The following IGF1 variants were observed in gnomAD, a reference collection of about 807,000 sequenced individuals.
IGF1 encodes the protein insulin like growth factor 1.
In IGF1, 4 loss-of-function variants were observed where a neutral mutation model predicts 13.8. The ratio of observed to expected loss-of-function variants is 0.29; its 90% CI spans 0.14 to 0.66. IGF1 has a LOEUF of 0.66. Ranked by LOEUF, IGF1 falls within the 30% of genes least tolerant of loss-of-function variation. The pLI, the probability that IGF1 is intolerant of heterozygous loss-of-function variation, is 0.78. For synonymous variants in IGF1, 76 were observed against 72.6 expected (o/e 1.05, Z -0.23); for missense variants, 124 against 188.5 (o/e 0.66, Z 2.00).
In IGF1 at chr12:102,398,920, GCATAAAATAGTAA is replaced by G. The variant is rs1873448361; in HGVS notation, c.*3574_*3586del. ...TTTTATTCTAAGCCTTCTCCCAAGT[GCATAAAATAGTAA>G]CAGAAACCCTGGAGCCACAGAGCAT... On this transcript the variant is annotated 3_prime_UTR_variant, in exon 4 of 4. Transcript: ENST00000337514. The G allele has an allele frequency of 6.6e-6, 1 of 152,352 alleles. No individual in the cohort carries two copies. Among genetic ancestry groups the G allele is most frequent in the Non-Finnish European group, 1.5e-5 (1 of 67,998 alleles). 9.4% of individuals were successfully genotyped at this position (152,352 alleles called of 1,614,324 possible).
chr12:102,426,861 A>G (rs890799080), intron 2 of IGF1, among the ~76,000 whole-genome samples: 2 of 152,120 alleles, frequency 1.3e-5, no homozygotes, highest in Non-Finnish European at 1.5e-5. Context: ...GTCTCATCTC[A>G]TTCTGTTCTC....
chr12:102,407,146 ACTAATAACAACGGCAATAATAATAAT>A lies in IGF1; in HGVS notation c.403-4606_403-4581del, dbSNP rs1330650896. 7.4e-5 allele frequency among the ~76,000 whole-genome samples: 11 copies of A among 148,484 alleles called. No individual in the cohort carries two copies. In the South Asian group the frequency reaches 1.5e-3, roughly 20 times the overall value. ...AAAAAAAAAAAAAAGATCACTGAGGACTAATAACAACGGCAATAATAATAATCTTGCTTAACATTTGCAAAGGCTTT... is the reference window on the plus strand; with the variant it reads ...AAAAAAAAAAAAAAGATCACTGAGGACTTGCTTAACATTTGCAAAGGCTTT... On this transcript the variant is annotated intron_variant, in intron 3 of 3. Coordinates refer to ENST00000337514, the MANE Select transcript of IGF1 (RefSeq NM_000618.5).
intron 1 of IGF1, chr12:102,478,460 G>T: frequency 6.5e-7 from 1 of 1,550,382 alleles, no homozygotes; most frequent in South Asian, 1.3e-5. Context: ...TAAAATTTGA[G>T]GGCAACAGTC....
chr12:102,414,771 GC>G (rs1253511391), intron 3 of IGF1, among the ~76,000 whole-genome samples: 2 of 152,152 alleles, frequency 1.3e-5, no homozygotes, highest in African/African-American at 4.8e-5. Context: ...TCTTGTTCAT[GC>G]CTAGTACAGA....
In IGF1 at chr12:102,402,164, A is replaced by G. The variant is rs1455825032; in HGVS notation, c.*343T>C. 1 of 158,652 alleles carries G rather than the reference A, an allele frequency of 6.3e-6. No individual in the cohort carries two copies. The highest frequency in any genetic ancestry group is 2.4e-5 in the African/African-American group (1 of 41,542). 9.8% of individuals were successfully genotyped at this position (158,652 alleles called of 1,614,324 possible). A position where few individuals can be genotyped will look rare whatever the true frequency, so the allele number is the denominator to read the frequency against. On this transcript the variant is annotated 3_prime_UTR_variant, in exon 4 of 4. Coordinates refer to ENST00000337514, the MANE Select transcript of IGF1 (RefSeq NM_000618.5). ...TCCAGCAGCCAAGATTCAGAGAGGA[A>G]TTTAGTGCAACTGGATCTATACAAC...
chr12:102,481,775 C>CT (rs77110610), upstream of IGF1: 5,571 of 144,798 alleles, frequency 0.038, 351 homozygotes, highest in East Asian at 0.3. Flanking sequence ...TGAATTTTTT[C>CT]TTTTTTTTTT....
At chr12:102,478,549 A>G in intron 1 of IGF1, 1 of 1,607,004 alleles carries the variant, frequency 6.2e-7, no homozygotes, top group Non-Finnish European at 8.5e-7. Flanking sequence ...GGGTATTATG[A>G]GGCCGATGTG....
intron 2 of IGF1, among the ~76,000 whole-genome samples, chr12:102,441,902 C>CGCTGCT (rs1326074639): frequency 1.2e-3 from 29 of 25,062 alleles, no homozygotes; most frequent in Non-Finnish European, 1.7e-3. Flanking sequence ...CATTCTATTA[C>CGCTGCT]ACTGCTTCTT....
chr12:102,478,694 T>A (rs905875518), intron 1 of IGF1: 24 of 1,310,690 alleles, frequency 1.8e-5, no homozygotes, highest in Middle Eastern at 2.0e-4. Context: ...ATTGAAACAA[T>A]GAACAAATTG....
chr12:102,453,151 C>T (rs1418525791), intron 2 of IGF1, among the ~76,000 whole-genome samples: 1 of 152,218 alleles, frequency 6.6e-6, no homozygotes, highest in East Asian at 1.9e-4. Context: ...TTTAGAAGCA[C>T]TGCTGCCATT....
chr12:102,402,659 G>A (rs930732713), intron 3 of IGF1, 93 bp from the exon 4 acceptor site: 10 of 766,518 alleles, frequency 1.3e-5, no homozygotes, highest in South Asian at 4.1e-5. Flanking sequence ...CATGTCTTAC[G>A]CCTTACCAGT....
chr12:102,407,806 T>C (rs1205888243), intron 3 of IGF1, among the ~76,000 whole-genome samples: 8 of 152,152 alleles, frequency 5.3e-5, no homozygotes, highest in African/African-American at 1.9e-4. Flanking sequence ...TTTGTAATGG[T>C]ATTTATAGAA....
rs1873614592 is a variant in IGF1 at position 102,400,725 on chromosome 12, A to G, written c.*1782T>C. The G allele has an allele frequency of 6.6e-6, 1 of 152,178 alleles. No homozygotes were observed. Among genetic ancestry groups the G allele is most frequent in the Non-Finnish European group, 1.5e-5 (1 of 68,020 alleles). 9.4% of individuals were successfully genotyped at this position (152,178 alleles called of 1,614,324 possible). On this transcript the variant is annotated 3_prime_UTR_variant, in exon 4 of 4. Coordinates refer to ENST00000337514, the MANE Select transcript of IGF1 (RefSeq NM_000618.5). ...TTTCAAAATGAATAGAATATTATTTATAGTATTAAACGAGGTTTTACTAGA... is the reference window on the plus strand; with the variant it reads ...TTTCAAAATGAATAGAATATTATTTGTAGTATTAAACGAGGTTTTACTAGA...
chr12:102,430,311 C>T (rs754915736), intron 2 of IGF1, among the ~76,000 whole-genome samples: 2 of 152,154 alleles, frequency 1.3e-5, no homozygotes, highest in African/African-American at 2.4e-5. Context: ...GAAGCCTCTT[C>T]CCTTTGGGAA....
intron 2 of IGF1, among the ~76,000 whole-genome samples, chr12:102,458,597 G>A (rs549951221): frequency 1.3e-5 from 2 of 152,106 alleles, no homozygotes; most frequent in Non-Finnish European, 1.5e-5. Flanking sequence ...ACATAAAAAC[G>A]AATAACAATT....
chr12:102,447,991 C>G (rs1370239055), intron 2 of IGF1, among the ~76,000 whole-genome samples: 2 of 151,760 alleles, frequency 1.3e-5, no homozygotes, highest in Admixed American at 6.6e-5. Context: ...AGGCAACCTA[C>G]AGAATGGGAG....
At chr12:102,463,482 G>C (rs745687296) in intron 2 of IGF1, 3 of 152,140 alleles carry the variant, frequency 2.0e-5, no homozygotes, top group African/African-American at 7.2e-5. Context: ...ATTAAAATCA[G>C]CTTTTTCCTT....
At chr12:102,417,577 T>TA in intron 3 of IGF1, 1 of 1,223,910 alleles carries the variant, frequency 8.2e-7, no homozygotes, top group South Asian at 3.6e-5. Context: ...TTTTATTTTT[T>TA]TTTTTCATTT....
chr12:102,451,327 T>C (rs1394868901), intron 2 of IGF1, among the ~76,000 whole-genome samples: 4 of 152,240 alleles, frequency 2.6e-5, no homozygotes, highest in African/African-American at 9.6e-5. Flanking sequence ...AAACAAATAA[T>C]GTGAGAATTA....
Sources: allele counts gnomAD v4.1 joint callset (sites outside exome capture counted in the v4.1 genomes callset), GRCh38; gene constraint gnomAD v4.1.1; transcripts MANE v1.5; gene names NCBI Gene and HGNC (gene_info 2026-07-23, HGNC 2026-07-21).